Variants in CAMTA1 observed in about 807,000 individuals in gnomAD.
The protein encoded by CAMTA1 is calmodulin binding transcription activator 1.
In CAMTA1, 27 loss-of-function variants were observed where a neutral mutation model predicts 170.9. The ratio of observed to expected loss-of-function variants is 0.16; its 90% CI spans 0.12 to 0.22. The LOEUF (loss-of-function observed/expected upper bound fraction) is 0.22, where lower values mean the gene tolerates loss of function less well. CAMTA1 is among the 10% of genes least tolerant of loss of function. CAMTA1 has a pLI of 1.00. For synonymous variants in CAMTA1, 833 were observed against 891.5 expected, an observed-to-expected ratio of 0.93 and a Z score of 1.17; for missense variants, 1,619 against 2,217.2, an observed-to-expected ratio of 0.73 and a Z score of 5.42.
intron 3 of CAMTA1, among the ~76,000 whole-genome samples, chr1:7,088,572 C>T (rs1486329878): frequency 6.6e-6 from 1 of 152,210 alleles, no homozygotes; most frequent in African/African-American, 2.4e-5. Flanking sequence ...AGTTTTTCCC[C>T]TTCGGCGGGC....
intron 7 of CAMTA1, among the ~76,000 whole-genome samples, chr1:7,658,266 A>T (rs12124522): frequency 0.11 from 16,907 of 152,230 alleles, 1,400 homozygotes; most frequent in Non-Finnish European, 0.16. Flanking sequence ...TGAGCTCTGC[A>T]GGGCTTTCTG....
intron 3 of CAMTA1, among the ~76,000 whole-genome samples, chr1:6,902,072 C>CACACACACACACAA (rs3986505): frequency 4.5e-5 from 4 of 88,498 alleles, no homozygotes; most frequent in African/African-American, 1.4e-4. Context: ...CACACACACA[C>CACACACACACACAA]AAAAAAAAAA....
At chr1:7,489,275 G>A (rs567043092) in intron 6 of CAMTA1, among the ~76,000 whole-genome samples, 5 of 152,292 alleles carry the variant, frequency 3.3e-5, no homozygotes, top group African/African-American at 1.2e-4. Flanking sequence ...ACCTAGATAA[G>A]GCCCTCTATA....
chr1:7,374,920 C>G (rs1319993801), intron 5 of CAMTA1, among the ~76,000 whole-genome samples: 1 of 152,178 alleles, frequency 6.6e-6, no homozygotes, highest in African/African-American at 2.4e-5. Flanking sequence ...TAGAGCTGCC[C>G]ATATAGCCTT....
chr1:6,884,335 C>CAA (rs60369862), intron 3 of CAMTA1, among the ~76,000 whole-genome samples: 4,566 of 143,824 alleles, frequency 0.032, 106 homozygotes, highest in South Asian at 0.059. Context: ...CACACACACA[C>CAA]AATTTTGTTT....
At chr1:7,478,979 CAA>C (rs980533287) in intron 6 of CAMTA1, among the ~76,000 whole-genome samples, 1 of 152,210 alleles carries the variant, frequency 6.6e-6, no homozygotes, top group Admixed American at 6.5e-5. Flanking sequence ...ATTCAAAGGG[CAA>C]AGAGTGAAAT....
chr1:7,350,613 C>A (rs2149881598), intron 5 of CAMTA1, among the ~76,000 whole-genome samples: 1 of 152,246 alleles, frequency 6.6e-6, no homozygotes, highest in East Asian at 1.9e-4. Flanking sequence ...TAGAAAATTT[C>A]ATTTTTTTTT....
intron 3 of CAMTA1, among the ~76,000 whole-genome samples, chr1:6,929,749 G>A (rs1164570203): frequency 1.3e-5 from 2 of 152,166 alleles, no homozygotes; most frequent in East Asian, 1.9e-4. Context: ...TGCCTGCCTC[G>A]GCCTCCCAAA....
At chr1:6,789,104 G>A (rs773411631) in intron 1 of CAMTA1, among the ~76,000 whole-genome samples, 31 of 151,908 alleles carry the variant, frequency 2.0e-4, no homozygotes, top group Non-Finnish European at 2.4e-4. Flanking sequence ...TGCAAATGTT[G>A]GGTTTCTCCA....
At chr1:6,846,245 T>A (rs1472584110) in intron 3 of CAMTA1, among the ~76,000 whole-genome samples, 1 of 152,270 alleles carries the variant, frequency 6.6e-6, no homozygotes, top group Non-Finnish European at 1.5e-5. Context: ...TCTTTACTTA[T>A]ACTTAAAAGT....
At chr1:6,853,275 A>G (rs1364204464) in intron 3 of CAMTA1, 1 of 152,176 alleles carries the variant, frequency 6.6e-6, no homozygotes, top group Non-Finnish European at 1.5e-5. Context: ...AGTAGCATAT[A>G]AGTTGTGGGG....
chr1:6,835,284 T>G (rs1316232055), intron 3 of CAMTA1, among the ~76,000 whole-genome samples: 2 of 152,232 alleles, frequency 1.3e-5, no homozygotes, highest in Non-Finnish European at 2.9e-5. Context: ...GAGTGGAGTT[T>G]CTAGTTGCAC....
chr1:7,763,183 A>G (rs1298641450), intron 22 of CAMTA1, among the ~76,000 whole-genome samples: 5 of 152,234 alleles, frequency 3.3e-5, no homozygotes, highest in Non-Finnish European at 1.5e-5. Context: ...TGAGGACTAC[A>G]TAAAGTAACA....
At chr1:6,915,537 A>G (rs889863412) in intron 3 of CAMTA1, among the ~76,000 whole-genome samples, 8 of 152,192 alleles carry the variant, frequency 5.3e-5, no homozygotes, top group African/African-American at 1.7e-4. Context: ...AGTGGAGCCA[A>G]GGTGTTCAAG....
chr1:7,118,688 G>A (rs535470329), intron 4 of CAMTA1, among the ~76,000 whole-genome samples: 1 of 152,246 alleles, frequency 6.6e-6, no homozygotes, highest in South Asian at 2.1e-4. Context: ...GTTAAAAAAT[G>A]TGTGTCCCGG....
intron 3 of CAMTA1, among the ~76,000 whole-genome samples, chr1:6,981,043 G>A (rs1385731863): frequency 6.6e-6 from 1 of 152,022 alleles, no homozygotes; most frequent in Non-Finnish European, 1.5e-5. Flanking sequence ...GTAACTGAGG[G>A]TACGTGCTGG....
intron 6 of CAMTA1, among the ~76,000 whole-genome samples, chr1:7,594,932 T>A (rs570278628): frequency 3.3e-5 from 5 of 152,014 alleles, no homozygotes; most frequent in Non-Finnish European, 5.9e-5. Context: ...GGGTTCGGAA[T>A]TGGTGAAGTT....
At chr1:6,902,039 T>TCACACACACACACA (rs536174579) in intron 3 of CAMTA1, among the ~76,000 whole-genome samples, 4 of 114,324 alleles carry the variant, frequency 3.5e-5, no homozygotes, top group South Asian at 3.2e-4. Flanking sequence ...GGTGAGACTG[T>TCACACACACACACA]CACACACACA....
At chr1:7,723,167 C>A (rs746871930) in intron 11 of CAMTA1, among the ~76,000 whole-genome samples, 1 of 152,020 alleles carries the variant, frequency 6.6e-6, no homozygotes, top group Non-Finnish European at 1.5e-5. Flanking sequence ...AAGCTCCACT[C>A]CTTAGAGAAA....
Sources: gnomAD v4.1 joint callset for allele counts (sites outside exome capture counted in the v4.1 genomes callset) on GRCh38, gnomAD v4.1.1 for gene constraint, MANE v1.5 for transcripts, NCBI Gene and HGNC (gene_info 2026-07-23, HGNC 2026-07-21) for gene names.